Variants in ASAP1 observed in about 807,000 individuals in gnomAD.
ASAP1 encodes ArfGAP with SH3 domain, ankyrin repeat and PH domain 1.
In ASAP1, 43 loss-of-function variants were observed where a neutral mutation model predicts 145.2. The ratio of observed to expected loss-of-function variants is 0.30; its 90% CI spans 0.23 to 0.38. The LOEUF (loss-of-function observed/expected upper bound fraction) is 0.38, where lower values mean the gene tolerates loss of function less well. Ranked by LOEUF, ASAP1 falls within the 10% of genes least tolerant of loss-of-function variation. The pLI, the probability that ASAP1 is intolerant of heterozygous loss-of-function variation, is 1.00. For missense variants in ASAP1, 1,018 were observed against 1,355.3 expected, an observed-to-expected ratio of 0.75 and a Z score of 3.91; for synonymous variants, 546 against 515.5, an observed-to-expected ratio of 1.06 and a Z score of -0.80.
chr8:130,081,816 G>A (rs1217925030), intron 25 of ASAP1, among the ~76,000 whole-genome samples: 1 of 152,132 alleles, frequency 6.6e-6, no homozygotes, highest in Non-Finnish European at 1.5e-5. Flanking sequence ...CCATCAAGAC[G>A]CCCTGATAGT....
chr8:130,333,804 G>A (rs928168611), intron 3 of ASAP1, among the ~76,000 whole-genome samples: 1 of 152,200 alleles, frequency 6.6e-6, no homozygotes, highest in African/African-American at 2.4e-5. Context: ...TATTTCTGGA[G>A]GGCCTATTAT....
chr8:130,382,155 A>C lies in ASAP1; in HGVS notation c.59+19730T>G, dbSNP rs540546307. Among the ~76,000 whole-genome samples the C allele has an allele frequency of 4.9e-3, 748 of 151,922 alleles. 2 individuals are homozygous for C. Among genetic ancestry groups the C allele is most frequent in the Middle Eastern group, 0.014 (4 of 294 alleles). ...TAAAAAATTAGCTGGGCGTGGTGGC[A>C]GGCGCCTGTAGTCCCAGCTACTCGG... On this transcript the variant is annotated intron_variant, in intron 2 of 29. Transcript: ENST00000518721.
intron 3 of ASAP1, among the ~76,000 whole-genome samples, chr8:130,268,388 GA>G (rs1260727893): frequency 6.6e-6 from 1 of 151,922 alleles, no homozygotes; most frequent in East Asian, 1.9e-4. Flanking sequence ...TTGGGAGACT[GA>G]GGTGGGAGAA....
At chr8:130,126,724 C>T (rs943187815) in intron 16 of ASAP1, among the ~76,000 whole-genome samples, 2 of 152,160 alleles carry the variant, frequency 1.3e-5, no homozygotes, top group African/African-American at 4.8e-5. Context: ...TTGCCATTTC[C>T]TGACACTACG....
At chr8:130,297,293 C>A (rs1822343351) in intron 3 of ASAP1, among the ~76,000 whole-genome samples, 1 of 152,174 alleles carries the variant, frequency 6.6e-6, no homozygotes, top group Non-Finnish European at 1.5e-5. Context: ...CCGTAGTCGG[C>A]CCTGCAGAAC....
At chr8:130,204,055 G>A (rs902866498) in intron 5 of ASAP1, among the ~76,000 whole-genome samples, 8 of 152,278 alleles carry the variant, frequency 5.3e-5, no homozygotes, top group Non-Finnish European at 7.4e-5. Flanking sequence ...GCCACGAACC[G>A]GTACAGGTCT....
intron 9 of ASAP1, among the ~76,000 whole-genome samples, chr8:130,175,720 A>G (rs114874120): frequency 8.9e-4 from 136 of 152,294 alleles, no homozygotes; most frequent in African/African-American, 2.9e-3. Context: ...GCTTTGACAC[A>G]TTTACTAAGC....
At chr8:130,266,396 TA>T (rs950609192) in intron 3 of ASAP1, among the ~76,000 whole-genome samples, 17 of 152,110 alleles carry the variant, frequency 1.1e-4, no homozygotes, top group Non-Finnish European at 2.1e-4. Context: ...TAAGTGGTTG[TA>T]GGGGGGAGGG....
chr8:130,176,696 T>C (rs1015610198), intron 9 of ASAP1, among the ~76,000 whole-genome samples: 15 of 151,910 alleles, frequency 9.9e-5, no homozygotes, highest in African/African-American at 3.6e-4. Context: ...CTGTTTTTTT[T>C]TTTTTTCTTT....
chr8:130,378,839 T>G (rs1464946524), intron 2 of ASAP1, among the ~76,000 whole-genome samples: 1 of 152,208 alleles, frequency 6.6e-6, no homozygotes, highest in Non-Finnish European at 1.5e-5. Context: ...CCAATAAATG[T>G]GCACACATAT....
chr8:130,315,074 T>C (rs147471416), intron 3 of ASAP1, among the ~76,000 whole-genome samples: 194 of 152,322 alleles, frequency 1.3e-3, no homozygotes, highest in African/African-American at 4.5e-3. Context: ...CAAGAGCCTC[T>C]ATTAAACCAC....
At chr8:130,213,374 G>A (rs1458641967) in intron 5 of ASAP1, among the ~76,000 whole-genome samples, 1 of 152,200 alleles carries the variant, frequency 6.6e-6, no homozygotes, top group Non-Finnish European at 1.5e-5. Context: ...CAGAGAAAAA[G>A]AATATTGTAA....
intron 24 of ASAP1, among the ~76,000 whole-genome samples, chr8:130,107,561 T>TGTATGTATGTA (rs1264499110): frequency 8.9e-5 from 13 of 146,324 alleles, no homozygotes; most frequent in South Asian, 4.4e-4. Flanking sequence ...TATGTATGTA[T>TGTATGTATGTA]TTTTGAGATA....
chr8:130,135,959 C>T lies in ASAP1; in HGVS notation c.1168+992G>A, dbSNP rs76740318. Among the ~76,000 whole-genome samples, 807 of 152,304 alleles carry T rather than the reference C, an allele frequency of 5.3e-3. 8 individuals are homozygous for T. The highest frequency in any genetic ancestry group is 0.018 in the African/African-American group (759 of 41,574). On this transcript the variant is annotated intron_variant, in intron 14 of 29. Coordinates refer to ENST00000518721, the MANE Select transcript of ASAP1 (RefSeq NM_018482.4). ...CTCTATCTTTTGGGTCAGGACTATT[C>T]ACACAACTGCATCAGAAAGGTTTCA...
intron 15 of ASAP1, among the ~76,000 whole-genome samples, chr8:130,131,207 G>A (rs2097582459): frequency 6.6e-6 from 1 of 151,924 alleles, no homozygotes; most frequent in Admixed American, 6.6e-5. Context: ...CCACTAGCCA[G>A]CAGAGCCTGG....
At chr8:130,236,260 TTA>T (rs2136664708) in intron 4 of ASAP1, among the ~76,000 whole-genome samples, 1 of 152,270 alleles carries the variant, frequency 6.6e-6, no homozygotes, top group South Asian at 2.1e-4. Flanking sequence ...GAAATCCATT[TTA>T]TGTTTCCAAG....
intron 3 of ASAP1, among the ~76,000 whole-genome samples, chr8:130,249,705 C>A (rs1819073944): frequency 6.6e-6 from 1 of 152,062 alleles, no homozygotes; most frequent in Admixed American, 6.6e-5. Context: ...TTTAAGATAC[C>A]AGACACACAT....
chr8:130,283,154 A>G (rs1357273034), intron 3 of ASAP1, among the ~76,000 whole-genome samples: 5 of 152,244 alleles, frequency 3.3e-5, no homozygotes, highest in African/African-American at 1.2e-4. Flanking sequence ...TGCAGTAACT[A>G]CTGTTGGAGA....
At chr8:130,412,212 T>C (rs552590916) in intron 1 of ASAP1, among the ~76,000 whole-genome samples, 1 of 152,328 alleles carries the variant, frequency 6.6e-6, no homozygotes, top group Non-Finnish European at 1.5e-5. Flanking sequence ...TTTGGATCTG[T>C]GTCCCAGTGC....
Sources: allele counts gnomAD v4.1 joint callset (sites outside exome capture counted in the v4.1 genomes callset), GRCh38; gene constraint gnomAD v4.1.1; transcripts MANE v1.5; gene names NCBI Gene and HGNC (gene_info 2026-07-23, HGNC 2026-07-21).